Variants in PCDHB1 observed in about 807,000 individuals in gnomAD.
The protein encoded by PCDHB1 is protocadherin beta-1.
Under a neutral mutation model 43.5 loss-of-function variants are expected in PCDHB1, and 44 were observed. The ratio of observed to expected loss-of-function variants is 1.01; its 90% CI spans 0.79 to 1.30. The LOEUF (loss-of-function observed/expected upper bound fraction) is 1.30. Ranked by LOEUF, PCDHB1 falls within the 50% of genes most tolerant of loss-of-function variation. The pLI, the probability that PCDHB1 is intolerant of heterozygous loss-of-function variation, is 0.00. For missense variants in PCDHB1, 919 were observed against 1,008.9 expected (o/e 0.91, Z 1.21); for synonymous variants, 392 against 400.8 (o/e 0.98, Z 0.26).
rs1554267439 is a variant in PCDHB1 at position 141,053,338 on chromosome 5, G to A, written c.1868G>A (p.Gly623Glu). ...TTATTTTCTGTTCAAAGACAAAATG[G>A]AGAAATCCATACATTAAGGCAGATA... ...LGLFSVQRQNGEIHTLRQISE... is the reference protein window; with the variant it reads ...LGLFSVQRQNEEIHTLRQISE... Residue 623 changes from glycine (G) to glutamate (E), a missense_variant, in exon 1 of 1, where the codon GGA (glycine) becomes GAA (glutamate). By Grantham distance (98) the Gly-to-Glu change is moderately conservative. Transcript: ENST00000306549. 3.7e-6 allele frequency: 6 copies of A among 1,614,182 alleles called. No individual in the cohort carries two copies. The highest frequency in any genetic ancestry group is 5.1e-6 in the Non-Finnish European group (6 of 1,180,026).
Position 141,053,536 on chromosome 5 carries a change from A to G in PCDHB1, c.2066A>G (p.Lys689Arg). ...KHSRKVNPSTKYLVISLVILS... is the reference protein window; with the variant it reads ...KHSRKVNPSTRYLVISLVILS... Reference sequence around the variant, plus strand: ...TCTAGAAAGGTAAATCCATCCACTAAATATTTGGTCATTTCTCTGGTCATC... The same window carrying G: ...TCTAGAAAGGTAAATCCATCCACTAGATATTTGGTCATTTCTCTGGTCATC... Residue 689 changes from lysine (K) to arginine (R), a missense_variant, in exon 1 of 1, where the codon AAA (lysine) becomes AGA (arginine). By Grantham distance (26) the Lys-to-Arg change is conservative. Coordinates refer to ENST00000306549, the MANE Select transcript of PCDHB1 (RefSeq NM_013340.4). The G allele has an allele frequency of 6.2e-7, 1 of 1,614,056 alleles. No individual in the cohort carries two copies. The highest frequency in any genetic ancestry group is 1.6e-4 in the Middle Eastern group (1 of 6,062).
At position 141,052,591 on chromosome 5, in the gene PCDHB1, G is replaced by C; in HGVS notation, c.1121G>C (p.Arg374Pro). The change falls in exon 1 of 1, where the codon CGG becomes CCG. Residue 374 changes from arginine to proline, a missense_variant. Arg to Pro is a moderately radical substitution (Grantham distance 103). Transcript: ENST00000306549. Reference sequence around the variant, plus strand: ...GTAGCCCTTTTCACTATCAGAGACCGGGACATTCGAGTGGGAGGAAAAGTC... The same window carrying C: ...GTAGCCCTTTTCACTATCAGAGACCCGGACATTCGAGTGGGAGGAAAAGTC... Reference protein sequence around the residue: ...TVVALFTIRDRDIRVGGKVTC... With the variant: ...TVVALFTIRDPDIRVGGKVTC... 6.2e-7 allele frequency: 1 copy of C among 1,614,078 alleles called. No individual in the cohort carries two copies. The highest frequency in any genetic ancestry group is 8.5e-7 in the Non-Finnish European group (1 of 1,180,008).
In PCDHB1 at chr5:141,054,008, A is replaced by C. The variant is rs1010815135; in HGVS notation, c.*81A>C. The C allele has an allele frequency of 9.3e-6, 11 of 1,178,240 alleles. No homozygotes were observed. Among genetic ancestry groups the C allele is most frequent in the Non-Finnish European group, 1.3e-5 (11 of 831,166 alleles). The allele number at this position is 1,178,240 out of a possible 1,614,324, so 73.0% of individuals were successfully genotyped here. ...AAAGATGTTACATCCTCATTAAAAC[A>C]AAAACTGGTAGTAGATTGCAGCTTT... On this transcript the variant is annotated 3_prime_UTR_variant, in exon 1 of 1. Transcript: ENST00000306549.
chr5:141,053,534 T>C lies in PCDHB1; in HGVS notation c.2064T>C (p.Thr688=). The C allele has an allele frequency of 6.2e-7, 1 of 1,614,194 alleles. No homozygotes were observed. Among genetic ancestry groups the C allele is most frequent in the Non-Finnish European group, 8.5e-7 (1 of 1,180,030 alleles). ...TKHSRKVNPS[T]KYLVISLVIL... ...ATTCTAGAAAGGTAAATCCATCCAC[T>C]AAATATTTGGTCATTTCTCTGGTCA... Residue 688 remains threonine (T), a synonymous_variant, in exon 1 of 1, where the codon ACT becomes ACC. Coordinates refer to ENST00000306549, the MANE Select transcript of PCDHB1 (RefSeq NM_013340.4).
rs1554267842 is a variant in PCDHB1, at chr5:141,056,588, G to C, written c.*2661G>C. 2.0e-5 allele frequency: 3 copies of C among 152,106 alleles called. No individual in the cohort carries two copies. Among genetic ancestry groups the C allele is most frequent in the African/African-American group, 7.2e-5 (3 of 41,418 alleles). The allele number at this position is 152,106 out of a possible 1,614,324, so 9.4% of individuals were successfully genotyped here. ...ATTTCTATTTCCTTTAAATGAAAAA[G>C]GAGATAGAATTTTTATTTATTTATT... On this transcript the variant is annotated 3_prime_UTR_variant, in exon 1 of 1. Transcript: ENST00000306549.
At position 141,053,353 on chromosome 5, in the gene PCDHB1, T is replaced by G. The variant is rs1366572884; in HGVS notation, c.1883T>G (p.Leu628Ter). 6.2e-7 allele frequency: 1 copy of G among 1,614,042 alleles called. No individual in the cohort carries two copies. The highest frequency in any genetic ancestry group is 8.5e-7 in the Non-Finnish European group (1 of 1,180,022). Residue 628 changes from leucine (L) to a stop codon, truncating the protein, a stop_gained, in exon 1 of 1, where the codon TTA becomes TGA. Transcript: ENST00000306549. LOFTEE classifies it high-confidence loss of function. The part of the protein sequence containing the change: ...VQRQNGEIHT[L>*]RQISERDPMM... ...AGACAAAATGGAGAAATCCATACAT[T>G]AAGGCAGATATCTGAGAGAGACCCC...
chr5:141,055,515 A>T lies in PCDHB1; in HGVS notation c.*1588A>T, dbSNP rs1424634141. 2.0e-5 allele frequency: 3 copies of T among 152,254 alleles called. No homozygotes were observed. Among genetic ancestry groups the T allele is most frequent in the African/African-American group, 7.2e-5 (3 of 41,464 alleles). The allele number at this position is 152,254 out of a possible 1,614,324, so 9.4% of individuals were successfully genotyped here. A position where few individuals can be genotyped will look rare whatever the true frequency, so the allele number is the denominator to read the frequency against. The stretch of plus-strand genomic sequence containing the variant: ...AGAACACTCTAAACTATTTTGTGCC[A>T]TTAAGTGTACACAACATTTATTGTA... On this transcript the variant is annotated 3_prime_UTR_variant, in exon 1 of 1. Transcript: ENST00000306549.
chr5:141,053,691 G>T lies in PCDHB1; in HGVS notation c.2221G>T (p.Val741Leu), dbSNP rs1554267502. The T allele has an allele frequency of 6.2e-7, 1 of 1,614,062 alleles. No individual in the cohort carries two copies. The highest frequency in any genetic ancestry group is 1.1e-5 in the South Asian group (1 of 91,070). Residue 741 changes from valine (V) to leucine (L), a missense_variant, in exon 1 of 1, where the codon GTA becomes TTA. Val to Leu is a conservative substitution (Grantham distance 32). Coordinates refer to ENST00000306549, the MANE Select transcript of PCDHB1 (RefSeq NM_013340.4). Reference sequence around the variant, plus strand: ...TGACTGTAATTTCTCTAACAACCTGGTACAAGGACAAGGCAATGGATCCTT... The same window carrying T: ...TGACTGTAATTTCTCTAACAACCTGTTACAAGGACAAGGCAATGGATCCTT... ...YDDCNFSNNL[V>L]QGQGNGSLSR... is the part of the protein sequence containing the mutation.
At position 141,053,845 on chromosome 5, in the gene PCDHB1, G is replaced by T. The variant is rs781971257; in HGVS notation, c.2375G>T (p.Gly792Val). 1 of 1,614,112 alleles carries T rather than the reference G, an allele frequency of 6.2e-7. No homozygotes were observed. Among genetic ancestry groups the T allele is most frequent in the African/African-American group, 1.3e-5 (1 of 75,032 alleles). Reference sequence around the variant, plus strand: ...ACTGGGGAGATAAAAATGGAGGCTGGCTCCAGTTTGCCCCCAAATTCTGAT... The same window carrying T: ...ACTGGGGAGATAAAAATGGAGGCTGTCTCCAGTTTGCCCCCAAATTCTGAT... Reference protein sequence around the residue: ...HATGEIKMEAGSSLPPNSDRN... With the variant: ...HATGEIKMEAVSSLPPNSDRN... Residue 792 changes from glycine (G) to valine (V), a missense_variant, in exon 1 of 1, where the codon GGC becomes GTC. Gly to Val is a moderately radical substitution (Grantham distance 109). Coordinates refer to ENST00000306549, the MANE Select transcript of PCDHB1 (RefSeq NM_013340.4).
Position 141,052,732 on chromosome 5 carries a change from C to T in PCDHB1, c.1262C>T (p.Thr421Ile), listed in dbSNP as rs1751020049. ...GAGGAGGTCTCAGGCTATAATATCA[C>T]CATTGTTGCCATGGATACTGGACCA... ...DREEVSGYNI[T>I]IVAMDTGPPS... is the part of the protein sequence containing the mutation. The change falls in exon 1 of 1, where the codon ACC (threonine) becomes ATC (isoleucine). Residue 421 changes from threonine (T) to isoleucine (I), a missense_variant. Coordinates refer to ENST00000306549, the MANE Select transcript of PCDHB1 (RefSeq NM_013340.4). 1.9e-6 allele frequency: 3 copies of T among 1,614,104 alleles called. No homozygotes were observed. The highest frequency in any genetic ancestry group is 2.5e-6 in the Non-Finnish European group (3 of 1,179,992).
Position 141,056,284 on chromosome 5 carries a change from C to T in PCDHB1, c.*2357C>T, listed in dbSNP as rs574771014. ...CCTAATGGCACCACCTGGCTGTTTA[C>T]CTGTTGGCCAGGAATACACTAAAAT... On this transcript the variant is annotated 3_prime_UTR_variant, in exon 1 of 1. Transcript: ENST00000306549. 1.3e-5 allele frequency: 2 copies of T among 152,184 alleles called. No individual in the cohort carries two copies. The highest frequency in any genetic ancestry group is 2.9e-5 in the Non-Finnish European group (2 of 67,998). The allele number at this position is 152,184 out of a possible 1,614,324, so 9.4% of individuals were successfully genotyped here. A position where few individuals can be genotyped will look rare whatever the true frequency, so the allele number is the denominator to read the frequency against.
At position 141,058,034 on chromosome 5, in the gene PCDHB1, A is replaced by G. The variant is rs1411492599; in HGVS notation, c.*4107A>G. On this transcript the variant is annotated 3_prime_UTR_variant, in exon 1 of 1. Coordinates refer to ENST00000306549, the MANE Select transcript of PCDHB1 (RefSeq NM_013340.4). ...AGACTCATAAAATTGCAAAAATACT[A>G]TAGATAGTTCCTGTATATCCTTCAC... 1.3e-5 allele frequency: 2 copies of G among 152,248 alleles called. No individual in the cohort carries two copies. Among genetic ancestry groups the G allele is most frequent in the African/African-American group, 4.8e-5 (2 of 41,472 alleles). 9.4% of individuals were successfully genotyped at this position (152,248 alleles called of 1,614,324 possible).
rs1751089720 is a variant in PCDHB1, at chr5:141,054,704, T to G, written c.*777T>G. On this transcript the variant is annotated 3_prime_UTR_variant, in exon 1 of 1. Coordinates refer to ENST00000306549, the MANE Select transcript of PCDHB1 (RefSeq NM_013340.4). ...TAGTTGTTTTTTTTTTTTTTTTTTT[T>G]TTTTTTGAGACGGAGTTTTTCTCTT... The G allele has an allele frequency of 6.7e-6, 1 of 149,138 alleles. No individual in the cohort carries two copies. Among genetic ancestry groups the G allele is most frequent in the Admixed American group, 6.7e-5 (1 of 14,936 alleles). 9.2% of individuals were successfully genotyped at this position (149,138 alleles called of 1,614,324 possible). A position where few individuals can be genotyped will look rare whatever the true frequency, so the allele number is the denominator to read the frequency against.
Position 141,053,281 on chromosome 5 carries a change from C to T in PCDHB1, c.1811C>T (p.Ser604Leu), listed in dbSNP as rs1219929484. 1 of 1,614,086 alleles carries T rather than the reference C, an allele frequency of 6.2e-7. No individual in the cohort carries two copies. Reference protein sequence around the residue: ...DGDSGQNSWLSYHLLKATDLG... With the variant: ...DGDSGQNSWLLYHLLKATDLG... ...GACTCAGGTCAGAATTCTTGGCTTT[C>T]ATATCATCTACTTAAGGCCACTGAC... Residue 604 changes from serine to leucine, a missense_variant, in exon 1 of 1, where the codon TCA becomes TTA. Coordinates refer to ENST00000306549, the MANE Select transcript of PCDHB1 (RefSeq NM_013340.4).
In PCDHB1 at chr5:141,053,857, C is replaced by A; in HGVS notation, c.2387C>A (p.Pro796His). The change falls in exon 1 of 1, where the codon CCC (proline) becomes CAC (histidine). Residue 796 changes from proline to histidine, a missense_variant. By Grantham distance (77) the Pro-to-His change is moderately conservative. Coordinates refer to ENST00000306549, the MANE Select transcript of PCDHB1 (RefSeq NM_013340.4). ...AAAATGGAGGCTGGCTCCAGTTTGC[C>A]CCCAAATTCTGATAGGAATAAGTCT... The part of the protein sequence containing the change: ...EIKMEAGSSL[P>H]PNSDRNKSQR... 6.2e-7 allele frequency: 1 copy of A among 1,614,114 alleles called. No homozygotes were observed.
At position 141,055,896 on chromosome 5, in the gene PCDHB1, G is replaced by C. The variant is rs569856333; in HGVS notation, c.*1969G>C. 1 of 152,114 alleles carries C rather than the reference G, an allele frequency of 6.6e-6. No individual in the cohort carries two copies. Among genetic ancestry groups the C allele is most frequent in the African/African-American group, 2.4e-5 (1 of 41,422 alleles). The allele number at this position is 152,114 out of a possible 1,614,324, so 9.4% of individuals were successfully genotyped here. ...CTCCCAACACTGCTAACTGTGCCTT[G>C]AAAGTCAAAAGTTTGCTTTAGAGAA... On this transcript the variant is annotated 3_prime_UTR_variant, in exon 1 of 1. Transcript: ENST00000306549.
chr5:141,052,420 T>TA lies in PCDHB1; in HGVS notation c.950_951insA (p.Asp318Ter), dbSNP rs1212773444. The stretch of plus-strand genomic sequence containing the variant: ...TTTGAAGCCATTGAAACATACGACA[T>TA]TGACATTCAAGCTACAGATGGTGGA... On this transcript the variant is annotated frameshift_variant, in exon 1 of 1. Transcript: ENST00000306549. LOFTEE classifies it high-confidence loss of function. The TA allele has an allele frequency of 6.2e-7, 1 of 1,614,066 alleles. No homozygotes were observed. The highest frequency in any genetic ancestry group is 1.3e-5 in the African/African-American group (1 of 74,918).
In PCDHB1 at chr5:141,051,866, T is replaced by C. The variant is rs751636276; in HGVS notation, c.396T>C (p.Val132=). The C allele has an allele frequency of 1.7e-4, 269 of 1,614,028 alleles. No homozygotes were observed. The highest frequency in any genetic ancestry group is 4.1e-5 in the Non-Finnish European group (48 of 1,180,022). The change falls in exon 1 of 1, where the codon GTT becomes GTC. Residue 132 remains valine, a synonymous_variant. Coordinates refer to ENST00000306549, the MANE Select transcript of PCDHB1 (RefSeq NM_013340.4). ...RVFDINDNAP[V]FLNKEPLLKI... The stretch of plus-strand genomic sequence containing the variant: ...TTGATATCAATGACAATGCCCCAGT[T>C]TTCCTAAACAAGGAGCCGCTTTTAA...
At position 141,055,040 on chromosome 5, in the gene PCDHB1, T is replaced by C. The variant is rs2154005651; in HGVS notation, c.*1113T>C. 6.6e-6 allele frequency: 1 copy of C among 152,152 alleles called. No homozygotes were observed. The highest frequency in any genetic ancestry group is 1.9e-4 in the East Asian group (1 of 5,174). The allele number at this position is 152,152 out of a possible 1,614,324, so 9.4% of individuals were successfully genotyped here. A position where few individuals can be genotyped will look rare whatever the true frequency, so the allele number is the denominator to read the frequency against. On this transcript the variant is annotated 3_prime_UTR_variant, in exon 1 of 1. Transcript: ENST00000306549. Reference sequence around the variant, plus strand: ...TTTGGAGCCATAGGCAAGTCTCAAATCTCCCTCTTTTATATCCAGATGTCT... The same window carrying C: ...TTTGGAGCCATAGGCAAGTCTCAAACCTCCCTCTTTTATATCCAGATGTCT...
Sources: allele counts gnomAD v4.1 joint callset, GRCh38; gene constraint gnomAD v4.1.1; transcripts MANE v1.5; gene names NCBI Gene and HGNC (gene_info 2026-07-23, HGNC 2026-07-21).